The following SPA17 variants were observed in gnomAD, a reference collection of about 807,000 sequenced individuals.
SPA17 encodes sperm autoantigenic protein 17, also known as sperm surface protein Sp17.
In SPA17, 7 loss-of-function variants were observed where a neutral mutation model predicts 13.8. That is an observed-to-expected ratio of 0.51 (90% CI 0.29 to 0.95). The LOEUF is 0.95. Among genes scored for constraint, SPA17 ranks in the 40% least tolerant of loss-of-function variants. The probability of loss-of-function intolerance (pLI) is 0.08; values close to 1 mark genes in which losing one functional copy is unlikely to be tolerated. For synonymous variants in SPA17, 61 were observed against 59.0 expected (o/e 1.03, Z -0.16); for missense variants, 170 against 179.3 (o/e 0.95, Z 0.30).
In SPA17 at chr11:124,675,257, C is replaced by A; in HGVS notation, c.-8C>A. 2 of 1,610,762 alleles carry A rather than the reference C, an allele frequency of 1.2e-6. No homozygotes were observed. Among genetic ancestry groups the A allele is most frequent in the Middle Eastern group, 1.7e-4 (1 of 6,056 alleles). ...CTTTAGGTTCCATAGGCAGTTCTTA[C>A]CAAGAAGATGTCGATTCCATTCTCC... On this transcript the variant is annotated 5_prime_UTR_variant, in exon 2 of 5. Transcript: ENST00000227135.
chr11:124,696,714 C>T lies in SPA17; in HGVS notation c.*2268C>T, dbSNP rs1189401386. On this transcript the variant is annotated 3_prime_UTR_variant, in exon 5 of 5. Coordinates refer to ENST00000227135, the MANE Select transcript of SPA17 (RefSeq NM_017425.4). ...CTAAGTGCCCTTAGGCTCAGTCTTT[C>T]GACCCCATTTCTACACTCACTTGAT... The T allele has an allele frequency of 2.0e-5, 3 of 152,100 alleles. No individual in the cohort carries two copies. Among genetic ancestry groups the T allele is most frequent in the Non-Finnish European group, 4.4e-5 (3 of 68,020 alleles). The allele number at this position is 152,100 out of a possible 1,614,324, so 9.4% of individuals were successfully genotyped here.
chr11:124,677,881 A>G (rs1943486928), intron 2 of SPA17, among the ~76,000 whole-genome samples: 2 of 152,274 alleles, frequency 1.3e-5, no homozygotes, highest in South Asian at 4.1e-4. Context: ...TTATGAAAGT[A>G]TATTCAAACT....
chr11:124,678,420 G>C (rs1035697416), intron 2 of SPA17, among the ~76,000 whole-genome samples: 1 of 151,862 alleles, frequency 6.6e-6, no homozygotes, highest in African/African-American at 2.4e-5. Context: ...TGATCCTCCT[G>C]CCTCAGCCTC....
intron 3 of SPA17, among the ~76,000 whole-genome samples, chr11:124,689,642 T>A (rs1943607123): frequency 6.6e-6 from 1 of 151,736 alleles, no homozygotes; most frequent in South Asian, 2.1e-4. Flanking sequence ...CCAGACGTGG[T>A]GGTGTGCACC....
At chr11:124,693,268 T>G (rs1359171141) in intron 4 of SPA17, among the ~76,000 whole-genome samples, 1 of 152,120 alleles carries the variant, frequency 6.6e-6, no homozygotes, top group Admixed American at 6.6e-5. Context: ...AATAGGGGGA[T>G]AGGAGGCTTG....
Position 124,681,421 on chromosome 11 carries a change from A to G in SPA17, c.187A>G (p.Lys63Glu), listed in dbSNP as rs1449431156. 5 of 1,581,536 alleles carry G rather than the reference A, an allele frequency of 3.2e-6. No homozygotes were observed. Among genetic ancestry groups the G allele is most frequent in the Non-Finnish European group, 4.3e-6 (5 of 1,161,276 alleles). ...CTTTGATCCAGCAGAATGGGGGAGT[A>G]AGGTAGAAGACCGCTTCTATAACAA... is the stretch of plus-strand genomic sequence containing the variant. The part of the protein sequence containing the change: ...TNFDPAEWGS[K>E]VEDRFYNNHA... The change falls in exon 3 of 5, where the codon AAG (lysine) becomes GAG (glutamate). Residue 63 changes from lysine (K) to glutamate (E), a missense_variant. Physicochemically the swap from Lys to Glu is moderately conservative, Grantham distance 56. Transcript: ENST00000227135.
At position 124,675,389 on chromosome 11, in the gene SPA17, A is replaced by G. The variant is rs1204828401; in HGVS notation, c.125A>G (p.Tyr42Cys). 18 of 1,613,872 alleles carry G rather than the reference A, an allele frequency of 1.1e-5. No homozygotes were observed. The highest frequency in any genetic ancestry group is 1.5e-5 in the Non-Finnish European group (18 of 1,179,992). Residue 42 changes from tyrosine (Y) to cysteine (C), a missense_variant, in exon 2 of 5, where the codon TAT (tyrosine) becomes TGT (cysteine). By Grantham distance (194) the Tyr-to-Cys change is radical (BLOSUM62 -2). Transcript: ENST00000227135. Reference sequence around the variant, plus strand: ...AATATACCAGCTTTTGCAGCAGCCTATTTTGAGAGCCTTCTAGAGAAAAGA... The same window carrying G: ...AATATACCAGCTTTTGCAGCAGCCTGTTTTGAGAGCCTTCTAGAGAAAAGA... The part of the protein sequence containing the change: ...PDNIPAFAAA[Y>C]FESLLEKREK...
At chr11:124,677,870 C>T (rs1216000562) in intron 2 of SPA17, among the ~76,000 whole-genome samples, 1 of 152,202 alleles carries the variant, frequency 6.6e-6, no homozygotes, top group Non-Finnish European at 1.5e-5. Flanking sequence ...GCAAATGGCA[C>T]TTATGAAAGT....
intron 3 of SPA17, among the ~76,000 whole-genome samples, chr11:124,689,910 G>A (rs1296428893): frequency 6.6e-6 from 1 of 152,060 alleles, no homozygotes; most frequent in Non-Finnish European, 1.5e-5. Context: ...ACTACAGTAA[G>A]ATATTATTTT....
rs1480521832 is a variant in SPA17, at chr11:124,682,817, C to G, written c.225+1358C>G. ...GAAGGCTTAGAAAACCTATTTAATG[C>G]AATAATAGATGAAGACATCACAAGT... On this transcript the variant is annotated intron_variant, in intron 3 of 4. Coordinates refer to ENST00000227135, the MANE Select transcript of SPA17 (RefSeq NM_017425.4). Among the ~76,000 whole-genome samples, 3 of 149,448 alleles carry G rather than the reference C, an allele frequency of 2.0e-5. No homozygotes were observed. The Admixed American group carries it at 2.0e-4, about 10-fold the overall frequency.
rs758658063 is a variant in SPA17, at chr11:124,694,451, A to G, written c.*5A>G. On this transcript the variant is annotated 3_prime_UTR_variant, in exon 5 of 5. Transcript: ENST00000227135. ...GAAAAAGAGGAAAACAAGTGAGGAC[A>G]CTGGTTTTACCTCCAGGAAACATGA... The G allele has an allele frequency of 2.5e-6, 4 of 1,601,722 alleles. No homozygotes were observed. The highest frequency in any genetic ancestry group is 1.1e-5 in the South Asian group (1 of 88,136).
chr11:124,686,301 C>T (rs1036084174), intron 3 of SPA17, among the ~76,000 whole-genome samples: 2 of 152,090 alleles, frequency 1.3e-5, no homozygotes, highest in African/African-American at 4.8e-5. Flanking sequence ...TTTCCTGAGG[C>T]CTCCCCAGCC....
intron 2 of SPA17, among the ~76,000 whole-genome samples, chr11:124,679,882 A>G (rs1943511158): frequency 6.6e-6 from 1 of 152,216 alleles, no homozygotes; most frequent in African/African-American, 2.4e-5. Context: ...TAAGAATAAT[A>G]CGTGCATTGG....
intron 3 of SPA17, among the ~76,000 whole-genome samples, chr11:124,690,081 T>A (rs1246493359): frequency 6.6e-6 from 1 of 152,200 alleles, no homozygotes; most frequent in Non-Finnish European, 1.5e-5. Flanking sequence ...AAAAATAGAA[T>A]GACCATTCAG....
At chr11:124,691,669 A>G in intron 3 of SPA17, 27 bp from the exon 4 acceptor site, 1 of 1,516,906 alleles carries the variant, frequency 6.6e-7, no homozygotes, top group South Asian at 1.2e-5. Context: ...AAACATTGCT[A>G]ATTGTGGCTC....
At position 124,696,048 on chromosome 11, in the gene SPA17, T is replaced by G. The variant is rs1297386951; in HGVS notation, c.*1602T>G. 1.3e-5 allele frequency: 2 copies of G among 152,228 alleles called. No individual in the cohort carries two copies. Among genetic ancestry groups the G allele is most frequent in the Non-Finnish European group, 2.9e-5 (2 of 68,052 alleles). 9.4% of individuals were successfully genotyped at this position (152,228 alleles called of 1,614,324 possible). On this transcript the variant is annotated 3_prime_UTR_variant, in exon 5 of 5. Coordinates refer to ENST00000227135, the MANE Select transcript of SPA17 (RefSeq NM_017425.4). The stretch of plus-strand genomic sequence containing the variant: ...CCTTTCAAGGTTGTGGCTTTCATTC[T>G]CTAATGTCCACTCATACAGGCAGCC...
intron 3 of SPA17, among the ~76,000 whole-genome samples, chr11:124,684,742 A>G (rs1943561524): frequency 6.6e-6 from 1 of 152,226 alleles, no homozygotes; most frequent in Admixed American, 6.5e-5. Flanking sequence ...AAATGCTGAT[A>G]GTGATATGGA....
In SPA17 at chr11:124,689,254, C is replaced by G. The variant is rs1262152280; in HGVS notation, c.226-2442C>G. Among the ~76,000 whole-genome samples, 4 of 151,966 alleles carry G rather than the reference C, an allele frequency of 2.6e-5. No homozygotes were observed. In the South Asian group the frequency reaches 6.2e-4, roughly 24 times the overall value. ...AAACTTTACTGGATATTGGTCTAGG[C>G]AAAGAATGTATGACTAAGATCACAA... On this transcript the variant is annotated intron_variant, in intron 3 of 4. Coordinates refer to ENST00000227135, the MANE Select transcript of SPA17 (RefSeq NM_017425.4).
chr11:124,687,656 T>C (rs1591406738), intron 3 of SPA17, among the ~76,000 whole-genome samples: 2 of 152,134 alleles, frequency 1.3e-5, no homozygotes, highest in Admixed American at 1.3e-4. Context: ...CATATGCAAA[T>C]CAATAAATGT....
Sources: allele counts gnomAD v4.1 joint callset (sites outside exome capture counted in the v4.1 genomes callset), GRCh38; gene constraint gnomAD v4.1.1; transcripts MANE v1.5; gene names NCBI Gene and HGNC (gene_info 2026-07-23, HGNC 2026-07-21).